CNGB3: variants seen among roughly 807,000 people sequenced by gnomAD.
CNGB3 encodes the protein cyclic nucleotide-gated channel beta-3.
A neutral mutation model predicts 92.8 loss-of-function variants in CNGB3; 86 were observed. The ratio of observed to expected loss-of-function variants is 0.93; its 90% CI spans 0.78 to 1.11. The LOEUF (loss-of-function observed/expected upper bound fraction) is 1.11, where lower values mean the gene tolerates loss of function less well. Ranked by LOEUF, CNGB3 falls within the 50% of genes least tolerant of loss-of-function variation. CNGB3 has a pLI of 0.00. For missense variants in CNGB3, 1,026 were observed against 956.8 expected, an observed-to-expected ratio of 1.07 and a Z score of -0.95; for synonymous variants, 333 against 332.7, an observed-to-expected ratio of 1.00 and a Z score of -0.01.
intron 2 of CNGB3, among the ~76,000 whole-genome samples, chr8:86,731,907 T>C (rs1054116099): frequency 6.6e-5 from 10 of 152,178 alleles, no homozygotes; most frequent in Non-Finnish European, 4.4e-5. Context: ...ATGTGGGGCA[T>C]GATACAAAAA....
intron 3 of CNGB3, among the ~76,000 whole-genome samples, chr8:86,716,143 A>T (rs1563764532): frequency 6.6e-6 from 1 of 152,140 alleles, no homozygotes; most frequent in Non-Finnish European, 1.5e-5. Flanking sequence ...CAGAGCTCAA[A>T]GACGAGGCTT....
intron 15 of CNGB3, among the ~76,000 whole-genome samples, chr8:86,586,248 G>A (rs1228353474): frequency 3.3e-5 from 5 of 152,144 alleles, no homozygotes; most frequent in African/African-American, 9.7e-5. Flanking sequence ...TAGGCATGGG[G>A]TAAGTGTGTA....
chr8:86,693,841 A>G (rs914676270), intron 3 of CNGB3, among the ~76,000 whole-genome samples: 3 of 151,950 alleles, frequency 2.0e-5, no homozygotes, highest in African/African-American at 4.8e-5. Context: ...TCCCATGTCT[A>G]CTTCTCTCTA....
chr8:86,655,632 A>G (rs1170582689), intron 6 of CNGB3, among the ~76,000 whole-genome samples: 1 of 152,156 alleles, frequency 6.6e-6, no homozygotes, highest in Non-Finnish European at 1.5e-5. Flanking sequence ...GACTCACAAC[A>G]TAAAATCCCA....
chr8:86,671,060 T>A lies in CNGB3; in HGVS notation c.377A>T (p.Glu126Val). 4 of 1,614,026 alleles carry A rather than the reference T, an allele frequency of 2.5e-6. No individual in the cohort carries two copies. The highest frequency in any genetic ancestry group is 3.4e-6 in the Non-Finnish European group (4 of 1,180,020). ...GTTGTGTAGCTGGGCATCGGCATACTCATTTATAACAGGAGCTGCAGGCGG... is the reference window on the plus strand; with the variant it reads ...GTTGTGTAGCTGGGCATCGGCATACACATTTATAACAGGAGCTGCAGGCGG... ...NKPPAAPVIN[E>V]YADAQLHNLV... The change falls in exon 4 of 18, where the codon GAG becomes GTG. Residue 126 changes from glutamate to valine, a missense_variant. By Grantham distance (121) the Glu-to-Val change is moderately radical (BLOSUM62 -2). Transcript: ENST00000320005.
At chr8:86,634,940 A>G (rs1406590634) in intron 10 of CNGB3, among the ~76,000 whole-genome samples, 1 of 151,446 alleles carries the variant, frequency 6.6e-6, no homozygotes, top group Non-Finnish European at 1.5e-5. Flanking sequence ...TTGAAATTCA[A>G]TACCTTTTGA....
intron 3 of CNGB3, among the ~76,000 whole-genome samples, chr8:86,704,804 C>T (rs983739188): frequency 3.9e-5 from 6 of 152,184 alleles, no homozygotes; most frequent in Non-Finnish European, 7.4e-5. Flanking sequence ...ATCTGACTGT[C>T]ATTTTTAACA....
chr8:86,694,792 C>T (rs1220476615), intron 3 of CNGB3, among the ~76,000 whole-genome samples: 1 of 151,784 alleles, frequency 6.6e-6, no homozygotes, highest in Non-Finnish European at 1.5e-5. Context: ...GGTGGCTGGG[C>T]AGAGACGCTC....
chr8:86,735,042 G>GGTTTTTTTT lies in CNGB3; in HGVS notation c.211+4612_211+4613insAAAAAAAAC, dbSNP rs1554618958. On this transcript the variant is annotated intron_variant, in intron 2 of 17. Coordinates refer to ENST00000320005, the MANE Select transcript of CNGB3 (RefSeq NM_019098.5). ...CATGTCAAATTCTCAAATGCCGGTG[G>GGTTTTTTTT]TTTTTTTTTTTTTTTTTTTTTTTTT... is the stretch of plus-strand genomic sequence containing the variant. 3.9e-3 allele frequency among the ~76,000 whole-genome samples: 334 copies of GGTTTTTTTT among 85,860 alleles called. 56 individuals carry two copies. The highest frequency in any genetic ancestry group is 4.8e-3 in the Non-Finnish European group (232 of 47,906). The allele number at this position is 85,860 out of a possible 152,430, so 56.3% of individuals were successfully genotyped here.
intron 10 of CNGB3, among the ~76,000 whole-genome samples, chr8:86,633,420 G>A (rs66509922): frequency 6.6e-6 from 1 of 152,122 alleles, no homozygotes; most frequent in South Asian, 2.1e-4. Flanking sequence ...GAACAGTAGA[G>A]GGTGGCTGGG....
intron 17 of CNGB3, among the ~76,000 whole-genome samples, chr8:86,577,931 A>C (rs1226282850): frequency 6.6e-6 from 1 of 152,148 alleles, no homozygotes; most frequent in Non-Finnish European, 1.5e-5. Context: ...GTTTTTTGAG[A>C]CAGAGTATTG....
intron 2 of CNGB3, among the ~76,000 whole-genome samples, chr8:86,731,911 A>G (rs1366536468): frequency 6.6e-6 from 1 of 152,222 alleles, no homozygotes; most frequent in Non-Finnish European, 1.5e-5. Context: ...GGGGCATGAT[A>G]CAAAAACTTC....
chr8:86,634,475 G>T lies in CNGB3; in HGVS notation c.1179-1582C>A, dbSNP rs112935830. On this transcript the variant is annotated intron_variant, in intron 10 of 17. Transcript: ENST00000320005. The stretch of plus-strand genomic sequence containing the variant: ...ACCTCATCAGAAGTCAAAGACATCT[G>T]TATATATATTTCATAATTCTTGTGC... 7.5e-4 allele frequency among the ~76,000 whole-genome samples: 114 copies of T among 152,192 alleles called. 1 individual carries two copies. The South Asian group carries it at 0.012, about 16-fold the overall frequency.
At chr8:86,586,678 A>C (rs1437636738) in intron 15 of CNGB3, among the ~76,000 whole-genome samples, 1 of 151,162 alleles carries the variant, frequency 6.6e-6, no homozygotes, top group Non-Finnish European at 1.5e-5. Context: ...ATCATTTTTT[A>C]TGGCTGCATA....
chr8:86,625,276 A>G (rs1822824148), intron 13 of CNGB3, among the ~76,000 whole-genome samples: 1 of 152,016 alleles, frequency 6.6e-6, no homozygotes, highest in African/African-American at 2.4e-5. Context: ...CACTTGAGTA[A>G]GTATTTGTTT....
At chr8:86,674,003 A>G (rs1371725265) in intron 3 of CNGB3, among the ~76,000 whole-genome samples, 1 of 152,242 alleles carries the variant, frequency 6.6e-6, no homozygotes, top group Non-Finnish European at 1.5e-5. Flanking sequence ...TCTTTTCTTC[A>G]TACTCCATAA....
intron 11 of CNGB3, among the ~76,000 whole-genome samples, chr8:86,629,410 T>C (rs1822916236): frequency 6.6e-6 from 1 of 152,194 alleles, no homozygotes; most frequent in African/African-American, 2.4e-5. Flanking sequence ...CTACACATAG[T>C]CTTCTTTGGA....
intron 6 of CNGB3, chr8:86,657,540 T>C (rs1823535637): frequency 2.1e-6 from 1 of 484,724 alleles, no homozygotes. Context: ...GAACCCTCCC[T>C]GGCCTCTTCT....
At chr8:86,688,100 G>A (rs1183670418) in intron 3 of CNGB3, among the ~76,000 whole-genome samples, 1 of 151,982 alleles carries the variant, frequency 6.6e-6, no homozygotes, top group Non-Finnish European at 1.5e-5. Flanking sequence ...GGATGAAAAT[G>A]AACAGAAGCG....
Sources: gnomAD v4.1 joint callset for allele counts (sites outside exome capture counted in the v4.1 genomes callset) on GRCh38, gnomAD v4.1.1 for gene constraint, MANE v1.5 for transcripts, NCBI Gene and HGNC (gene_info 2026-07-23, HGNC 2026-07-21) for gene names.